The following TOP2A variants were observed in gnomAD, a reference collection of about 807,000 sequenced individuals.
TOP2A encodes the protein DNA topoisomerase II alpha, also known as DNA topoisomerase 2-alpha.
A neutral mutation model predicts 187.2 loss-of-function variants in TOP2A; 68 were observed. That is an observed-to-expected ratio of 0.36 (90% confidence interval 0.30 to 0.44). The LOEUF is 0.44. Among genes scored for constraint, TOP2A ranks in the 20% least tolerant of loss-of-function variants. TOP2A has a pLI of 1.00. For missense variants in TOP2A, 1,196 were observed against 1,808.7 expected (o/e 0.66, Z 6.14); for synonymous variants, 542 against 593.2 (o/e 0.91, Z 1.25).
chr17:40,408,752 C>A (rs1475669903), intron 10 of TOP2A, 122 bp from the exon 11 acceptor site: 1 of 1,108,646 alleles, frequency 9.0e-7, no homozygotes, highest in Admixed American at 1.9e-5. Context: ...AGATGTAGAA[C>A]AATAATTTCT....
chr17:40,405,869 C>A (rs555429660), intron 16 of TOP2A, among the ~76,000 whole-genome samples: 3 of 151,766 alleles, frequency 2.0e-5, no homozygotes, highest in Non-Finnish European at 2.9e-5. Context: ...CGGGTTCAAG[C>A]GATTCTCCTG....
chr17:40,401,218 T>C (rs1170498188), intron 20 of TOP2A, 137 bp from the exon 21 acceptor site: 8 of 727,046 alleles, frequency 1.1e-5, no homozygotes, highest in Middle Eastern at 3.9e-4. Context: ...ACAATATTTA[T>C]TGAGCACTTG....
chr17:40,394,229 G>C (rs2035062330), intron 29 of TOP2A, among the ~76,000 whole-genome samples: 1 of 148,762 alleles, frequency 6.7e-6, no homozygotes, highest in African/African-American at 2.5e-5. Context: ...CCAGTGGAGA[G>C]GAGTTGGTGG....
intron 13 of TOP2A, among the ~76,000 whole-genome samples, chr17:40,407,311 C>T (rs1209601819): frequency 6.6e-6 from 1 of 152,082 alleles, no homozygotes; most frequent in Non-Finnish European, 1.5e-5. Flanking sequence ...TATGACTGAC[C>T]TACTGGCAAT....
chr17:40,417,364 C>A (rs925847630), intron 1 of TOP2A, among the ~76,000 whole-genome samples: 1 of 152,112 alleles, frequency 6.6e-6, no homozygotes, highest in African/African-American at 2.4e-5. Context: ...GTAAGCTGGC[C>A]AGCTGCTCCA....
chr17:40,406,468 T>G lies in TOP2A; in HGVS notation c.1869A>C (p.Glu623Asp). 3.1e-6 allele frequency: 5 copies of G among 1,613,826 alleles called. No individual in the cohort carries two copies. The highest frequency in any genetic ancestry group is 4.2e-6 in the Non-Finnish European group (5 of 1,179,762). The change falls in exon 16 of 35, where the codon GAA becomes GAC. Residue 623 changes from glutamate (E) to aspartate (D), a missense_variant. Physicochemically the swap from Glu to Asp is conservative, Grantham distance 45. This residue lies in a region of TOP2A where 209 missense variants were observed against 376.9 expected (regional missense o/e 0.55). Transcript: ENST00000423485. ...TCATATCTGCAAAGTATTCTTTAGC[T>G]TCCTTTGATGTGCTGGTGCCCAAAC... ...YKGLGTSTSK[E>D]AKEYFADMKR...
rs1301601806 is a variant in TOP2A at position 40,398,948 on chromosome 17, A to G, written c.3289-11T>C. 6.2e-7 allele frequency: 1 copy of G among 1,604,564 alleles called. No individual in the cohort carries two copies. The highest frequency in any genetic ancestry group is 2.2e-5 in the East Asian group (1 of 44,812). ...TTCTTCATCTGGAACCTAAAGGATTAATTAAAATCTAGCTTTATTAGAAAA... is the reference window on the plus strand; with the variant it reads ...TTCTTCATCTGGAACCTAAAGGATTGATTAAAATCTAGCTTTATTAGAAAA... On this transcript the variant is annotated splice_polypyrimidine_tract_variant and intron_variant, in intron 25 of 34. Transcript: ENST00000423485.
chr17:40,413,306 T>C lies in TOP2A; in HGVS notation c.479-14A>G. ...CATTTCGACCACCTGGGCAAATAAA[T>C]ATGAAACACTATTTTATTGTTACTA... is the stretch of plus-strand genomic sequence containing the variant. On this transcript the variant is annotated splice_polypyrimidine_tract_variant and intron_variant, in intron 5 of 34. Coordinates refer to ENST00000423485, the MANE Select transcript of TOP2A (RefSeq NM_001067.4). 10 of 1,536,516 alleles carry C rather than the reference T, an allele frequency of 6.5e-6. No homozygotes were observed. Among genetic ancestry groups the C allele is most frequent in the Non-Finnish European group, 8.8e-6 (10 of 1,134,766 alleles).
intron 14 of TOP2A, 54 bp downstream of exon 14, chr17:40,406,778 G>T: frequency 6.3e-7 from 1 of 1,576,492 alleles, no homozygotes; most frequent in Non-Finnish European, 8.7e-7. Context: ...GTATATCCAG[G>T]TTTGAGGAGT....
At chr17:40,391,709 C>T (rs1171499540) in intron 32 of TOP2A, 69 bp from the exon 33 acceptor site, 2 of 1,418,490 alleles carry the variant, frequency 1.4e-6, no homozygotes, top group Admixed American at 3.0e-5. Context: ...TCTGCTTTGT[C>T]CCTGGTATGA....
chr17:40,391,714 G>A, intron 32 of TOP2A, 74 bp from the exon 33 acceptor site: 1 of 1,382,672 alleles, frequency 7.2e-7, no homozygotes, highest in Non-Finnish European at 9.6e-7. Context: ...TTTGTCCCTG[G>A]TATGAATTCC....
intron 29 of TOP2A, among the ~76,000 whole-genome samples, chr17:40,394,107 C>G (rs1598608394): frequency 6.7e-6 from 1 of 150,244 alleles, no homozygotes; most frequent in Admixed American, 6.6e-5. Flanking sequence ...AATATATGGG[C>G]TGCCACATGG....
chr17:40,402,938 A>G lies in TOP2A; in HGVS notation c.2400T>C (p.Ser800=). 3.1e-6 allele frequency: 5 copies of G among 1,609,598 alleles called. No individual in the cohort carries two copies. Among genetic ancestry groups the G allele is most frequent in the Non-Finnish European group, 4.2e-6 (5 of 1,177,798 alleles). ...TTGTAAAGATGTATCGTGGACTAGC[A>G]GAATCCTTGCCACCATGTAGCCTGG... ...FGTRLHGGKD[S]ASPRYIFTML... Residue 800 remains serine (S), a synonymous_variant, in exon 20 of 35, where the codon TCT becomes TCC. Coordinates refer to ENST00000423485, the MANE Select transcript of TOP2A (RefSeq NM_001067.4).
chr17:40,397,971 T>C (rs919384755), intron 27 of TOP2A, among the ~76,000 whole-genome samples: 7 of 151,636 alleles, frequency 4.6e-5, no homozygotes, highest in Non-Finnish European at 1.0e-4. Flanking sequence ...AGAGACAGGG[T>C]TTCTCCATGT....
chr17:40,401,673 C>T (rs955471771), intron 20 of TOP2A, among the ~76,000 whole-genome samples: 1 of 152,032 alleles, frequency 6.6e-6, no homozygotes, highest in Admixed American at 6.6e-5. Flanking sequence ...TGCGCCACTG[C>T]ACTCCAGCCT....
At position 40,391,643 on chromosome 17, in the gene TOP2A, A is replaced by G; in HGVS notation, c.4133-3T>C. ...CTTAACATCATCAGCTTCAAGGTCTATTATTTCAAATGGAAAGGAAAATAG... is the reference window on the plus strand; with the variant it reads ...CTTAACATCATCAGCTTCAAGGTCTGTTATTTCAAATGGAAAGGAAAATAG... On this transcript the variant is annotated splice_region_variant and splice_polypyrimidine_tract_variant and intron_variant, in intron 32 of 34. Transcript: ENST00000423485. 1 of 1,575,118 alleles carries G rather than the reference A, an allele frequency of 6.3e-7. No individual in the cohort carries two copies. Among genetic ancestry groups the G allele is most frequent in the Non-Finnish European group, 8.6e-7 (1 of 1,165,178 alleles).
intron 29 of TOP2A, among the ~76,000 whole-genome samples, chr17:40,394,843 A>C (rs561900511): frequency 2.0e-4 from 31 of 152,364 alleles, no homozygotes; most frequent in African/African-American, 6.0e-4. Context: ...TTTCTTAAGA[A>C]ACTTTGTATA....
At chr17:40,393,746 G>A (rs576385003) in intron 29 of TOP2A, among the ~76,000 whole-genome samples, 37 of 152,284 alleles carry the variant, frequency 2.4e-4, no homozygotes, top group African/African-American at 8.4e-4. Context: ...AGACCTAAAT[G>A]TAAGAGCTAA....
intron 6 of TOP2A, 95 bp downstream of exon 6, chr17:40,413,100 A>G: frequency 7.7e-7 from 1 of 1,294,518 alleles, no homozygotes; most frequent in South Asian, 1.3e-5. Flanking sequence ...TCAATAGCTT[A>G]TAAATTATGT....
Sources: allele counts gnomAD v4.1 joint callset (sites outside exome capture counted in the v4.1 genomes callset), GRCh38; gene constraint gnomAD v4.1.1; regional missense constraint gnomAD v4.1.1; transcripts MANE v1.5; gene names NCBI Gene and HGNC (gene_info 2026-07-23, HGNC 2026-07-21).